INSL6: variants seen among roughly 807,000 people sequenced by gnomAD.
INSL6 encodes the protein insulin like 6, also known as insulin-like peptide INSL6.
In INSL6, 16 loss-of-function variants were observed where a neutral mutation model predicts 9.4. The ratio of observed to expected loss-of-function variants is 1.70; its 90% CI spans 1.15 to 2.59. INSL6 has a LOEUF of 2.59. Ranked by LOEUF, INSL6 falls within the 30% of genes most tolerant of loss-of-function variation. The pLI is 0.00. For missense variants in INSL6, 391 were observed against 257.3 expected (o/e 1.52, Z -3.56); for synonymous variants, 154 against 96.9 (o/e 1.59, Z -3.46).
At chr9:5,158,049 G>A (rs1475724985) in intron 2 of INSL6, among the ~76,000 whole-genome samples, 1 of 152,112 alleles carries the variant, frequency 6.6e-6, no homozygotes, top group Non-Finnish European at 1.5e-5. Flanking sequence ...AAATGCAGTT[G>A]ACATACTGAA....
chr9:5,116,003 C>G, the INSL6 span, among the ~76,000 whole-genome samples: 5 of 151,818 alleles, frequency 3.3e-5, no homozygotes, highest in East Asian at 7.7e-4. Context: ...ACGTGTATAC[C>G]TACGTTAACA....
the INSL6 span, chr9:5,112,376 C>T: frequency 4.8e-6 from 2 of 415,416 alleles, no homozygotes; most frequent in South Asian, 5.4e-5. Context: ...GCGAGCAGGC[C>T]ACTGGGGAAA....
rs77333953 is a variant in INSL6 at position 5,152,345 on chromosome 9, C to T, written c.376+11834G>A. On this transcript the variant is annotated intron_variant, in intron 2 of 3. Coordinates refer to the INSL6 transcript ENST00000649639. ...TATTTATGGAACATAAAACAATTCTCAAGAAATTTTAAAATATTGTCAACA... is the reference window on the plus strand; with the variant it reads ...TATTTATGGAACATAAAACAATTCTTAAGAAATTTTAAAATATTGTCAACA... 6.7e-3 allele frequency among the ~76,000 whole-genome samples: 1,019 copies of T among 151,994 alleles called. 8 individuals carry two copies. Among genetic ancestry groups the T allele is most frequent in the Non-Finnish European group, 0.011 (716 of 67,938 alleles).
At chr9:5,137,681 A>G (rs1025985271) in intron 2 of INSL6, among the ~76,000 whole-genome samples, 1 of 152,232 alleles carries the variant, frequency 6.6e-6, no homozygotes, top group Non-Finnish European at 1.5e-5. Flanking sequence ...AGGCATGGCA[A>G]AGACTTCATG....
chr9:5,018,541 G>T, the INSL6 span, among the ~76,000 whole-genome samples: 7 of 152,216 alleles, frequency 4.6e-5, no homozygotes, highest in Middle Eastern at 3.4e-3. Flanking sequence ...GTTTTGCCAT[G>T]TTGTCCAGGC....
chr9:5,073,808 T>G, the INSL6 span: 3 of 1,421,470 alleles, frequency 2.1e-6, no homozygotes, highest in Non-Finnish European at 3.0e-6. Context: ...ACAGGCTTTC[T>G]AATGCCTTTC....
chr9:5,182,917 T>C (rs1825491088), intron 1 of INSL6, among the ~76,000 whole-genome samples: 1 of 152,160 alleles, frequency 6.6e-6, no homozygotes, highest in Admixed American at 6.5e-5. Flanking sequence ...ATTCAAGATA[T>C]GTATAAGTAG....
At chr9:5,083,679 A>G in the INSL6 span, among the ~76,000 whole-genome samples, 1 of 152,188 alleles carries the variant, frequency 6.6e-6, no homozygotes, top group Non-Finnish European at 1.5e-5. Context: ...TGGAATATAT[A>G]CTGGTATTTA....
intron 2 of INSL6, among the ~76,000 whole-genome samples, chr9:5,147,096 C>G (rs1824614576): frequency 6.6e-6 from 1 of 152,220 alleles, no homozygotes; most frequent in Non-Finnish European, 1.5e-5. Flanking sequence ...TCTCTGGCCA[C>G]ATTCTGCTAC....
At chr9:5,003,128 A>G in the INSL6 span, among the ~76,000 whole-genome samples, 4 of 151,944 alleles carry the variant, frequency 2.6e-5, no homozygotes, top group East Asian at 3.9e-4. Flanking sequence ...TGCTTGTTCT[A>G]TCTTTATGAT....
the INSL6 span, among the ~76,000 whole-genome samples, chr9:5,071,681 A>C: frequency 6.6e-6 from 1 of 152,168 alleles, no homozygotes; most frequent in South Asian, 2.1e-4. Flanking sequence ...CAAAATGAGA[A>C]AGACCCAACT....
At chr9:5,050,783 T>G in the INSL6 span, 2 of 1,613,626 alleles carry the variant, frequency 1.2e-6, no homozygotes, top group Middle Eastern at 1.7e-4. Context: ...ATGATGAGAA[T>G]AGCCAAAGAA....
the INSL6 span, among the ~76,000 whole-genome samples, chr9:5,049,670 A>G: frequency 8.5e-5 from 13 of 152,206 alleles, no homozygotes; most frequent in Admixed American, 3.9e-4. Flanking sequence ...CTGAGACCAC[A>G]TCTTATACAG....
chr9:5,111,353 G>A, the INSL6 span: 1 of 411,210 alleles, frequency 2.4e-6, no homozygotes, highest in Non-Finnish European at 4.7e-6. Flanking sequence ...GGACCTCCCG[G>A]TACTACCCCT....
At chr9:5,153,043 G>A (rs556998624) in intron 2 of INSL6, among the ~76,000 whole-genome samples, 280 of 152,156 alleles carry the variant, frequency 1.8e-3, no homozygotes, top group Non-Finnish European at 2.7e-3. Context: ...CTCGCAATCC[G>A]CAGACCAGGA....
In INSL6 at chr9:5,157,208, T is replaced by A. The variant is rs58853516; in HGVS notation, c.376+6971A>T. Among the ~76,000 whole-genome samples, 427 of 152,228 alleles carry A rather than the reference T, an allele frequency of 2.8e-3. 2 individuals carry two copies. The highest frequency in any genetic ancestry group is 9.4e-3 in the African/African-American group (390 of 41,526). ...ATCTGTAGATTCAATGCCATCCTTA[T>A]CAAAATCCCCAAAAAGTGTTGTAAA... is the stretch of plus-strand genomic sequence containing the variant. On this transcript the variant is annotated intron_variant, in intron 2 of 3. Coordinates refer to the INSL6 transcript ENST00000649639.
At chr9:5,087,157 C>A in the INSL6 span, among the ~76,000 whole-genome samples, 1 of 152,118 alleles carries the variant, frequency 6.6e-6, no homozygotes, top group Admixed American at 6.5e-5. Flanking sequence ...AAGACATACC[C>A]GAGACTGGGT....
Position 5,181,922 on chromosome 9 carries a change from T to A in INSL6, c.289+3392A>T, listed in dbSNP as rs188711464. ...ACACTGGTAAAAGTTAATAACTGTA[T>A]AATGCTAATTGTTGACATAGATATG... On this transcript the variant is annotated intron_variant, in intron 1 of 1. Transcript: ENST00000381641. Among the ~76,000 whole-genome samples the A allele has an allele frequency of 1.2e-4, 18 of 152,328 alleles. No homozygotes were observed. The East Asian group carries it at 1.7e-3, about 15-fold the overall frequency.
chr9:5,108,524 G>A, the INSL6 span: 4 of 151,942 alleles, frequency 2.6e-5, no homozygotes, highest in Admixed American at 2.6e-4. Flanking sequence ...CATGTATTAT[G>A]GCCTTTATAG....
Sources: gnomAD v4.1 joint callset for allele counts (sites outside exome capture counted in the v4.1 genomes callset) on GRCh38, gnomAD v4.1.1 for gene constraint, MANE v1.5 for transcripts, NCBI Gene and HGNC (gene_info 2026-07-23, HGNC 2026-07-21) for gene names.